The following ROBO2 variants were observed in gnomAD, a reference collection of about 807,000 sequenced individuals.
ROBO2 encodes roundabout guidance receptor 2.
ROBO2 carries 53 observed loss-of-function variants against 160.8 expected under a neutral mutation model. The observed-to-expected ratio is 0.33, with a 90% CI of 0.26 to 0.41. The LOEUF (loss-of-function observed/expected upper bound fraction) is 0.41. Among genes scored for constraint, ROBO2 ranks in the 10% least tolerant of loss-of-function variants. The pLI is 1.00. For synonymous variants in ROBO2, 664 were observed against 611.7 expected (o/e 1.09, Z -1.26); for missense variants, 1,577 against 1,722.4 (o/e 0.92, Z 1.49).
chr3:76,826,053 GT>G (rs200322872), intron 2 of ROBO2, among the ~76,000 whole-genome samples: 13,935 of 142,078 alleles, frequency 0.098, 710 homozygotes, highest in South Asian at 0.13. Flanking sequence ...GAGTTTGTGG[GT>G]TTTTTTTTTT....
chr3:77,235,700 T>C (rs1421311422), intron 2 of ROBO2, among the ~76,000 whole-genome samples: 1 of 152,220 alleles, frequency 6.6e-6, no homozygotes. Flanking sequence ...AAAGCATCCA[T>C]TGGAAAAATT....
chr3:77,482,816 C>T (rs1255788648), intron 4 of ROBO2, among the ~76,000 whole-genome samples: 1 of 151,670 alleles, frequency 6.6e-6, no homozygotes, highest in Non-Finnish European at 1.5e-5. Context: ...TTTAAAGAAA[C>T]ACTCATTGCT....
chr3:76,568,677 A>G (rs1322517912), intron 2 of ROBO2, among the ~76,000 whole-genome samples: 2 of 152,088 alleles, frequency 1.3e-5, no homozygotes, highest in Admixed American at 6.5e-5. Context: ...CATCCCACCT[A>G]TTACAGTCAT....
At chr3:76,472,553 G>A (rs2078722112) in intron 2 of ROBO2, among the ~76,000 whole-genome samples, 1 of 152,060 alleles carries the variant, frequency 6.6e-6, no homozygotes, top group Admixed American at 6.6e-5. Context: ...AGTGCTCTTA[G>A]GTAGCATATG....
intron 2 of ROBO2, among the ~76,000 whole-genome samples, chr3:76,040,022 CTTCTTT>C (rs1203848178): frequency 6.6e-6 from 1 of 151,772 alleles, no homozygotes; most frequent in African/African-American, 2.4e-5. Flanking sequence ...TTTTTAATGA[CTTCTTT>C]TGTCTTCTTT....
intron 2 of ROBO2, among the ~76,000 whole-genome samples, chr3:77,407,289 T>TA (rs901516641): frequency 4.0e-5 from 6 of 151,204 alleles, no homozygotes; most frequent in Non-Finnish European, 5.9e-5. Flanking sequence ...AAATGATTTC[T>TA]AAAAAAAAAT....
chr3:76,314,252 C>A (rs1454225877), intron 2 of ROBO2, among the ~76,000 whole-genome samples: 1 of 152,116 alleles, frequency 6.6e-6, no homozygotes, highest in East Asian at 1.9e-4. Flanking sequence ...CACCAGAAAT[C>A]TTAACTACAT....
At chr3:76,397,648 TC>T (rs2077542263) in intron 2 of ROBO2, among the ~76,000 whole-genome samples, 1 of 151,642 alleles carries the variant, frequency 6.6e-6, no homozygotes, top group Admixed American at 6.6e-5. Flanking sequence ...AACAACCCCA[TC>T]AAAAAGTGGG....
intron 2 of ROBO2, among the ~76,000 whole-genome samples, chr3:77,283,051 A>C (rs2153374322): frequency 6.6e-6 from 1 of 151,940 alleles, no homozygotes; most frequent in Admixed American, 6.6e-5. Context: ...GTTGTTTTTT[A>C]AAACATTATT....
rs73841684 is a variant in ROBO2, at chr3:76,990,120, T to C, written c.110-107894T>C. Reference sequence around the variant, plus strand: ...TCTTCTATTCTTTTAAAAATTAAAATAAAATGAAAAACTAAAATGCAGAAT... The same window carrying C: ...TCTTCTATTCTTTTAAAAATTAAAACAAAATGAAAAACTAAAATGCAGAAT... On this transcript the variant is annotated intron_variant, in intron 2 of 26. Transcript: ENST00000487694. Among the ~76,000 whole-genome samples, 683 of 152,202 alleles carry C rather than the reference T, an allele frequency of 4.5e-3. 3 individuals carry two copies. The highest frequency in any genetic ancestry group is 0.016 in the African/African-American group (650 of 41,542).
chr3:76,571,711 C>T lies in ROBO2; in HGVS notation c.110-526303C>T, dbSNP rs372328092. 2.8e-4 allele frequency among the ~76,000 whole-genome samples: 42 copies of T among 152,104 alleles called. 2 individuals carry two copies. Among genetic ancestry groups the T allele is most frequent in the South Asian group, 2.7e-3 (13 of 4,822 alleles). ...TACTAAGACTGTTTAAGTTAAATTA[C>T]ATTATTAGTTTGTAGAAATAGAAGG... On this transcript the variant is annotated intron_variant, in intron 2 of 26. Transcript: ENST00000487694.
At chr3:76,047,663 G>A (rs1454280256) in intron 2 of ROBO2, among the ~76,000 whole-genome samples, 1 of 152,208 alleles carries the variant, frequency 6.6e-6, no homozygotes, top group Admixed American at 6.5e-5. Flanking sequence ...TTAATAAGAT[G>A]TAGATGTTCC....
intron 25 of ROBO2, among the ~76,000 whole-genome samples, chr3:77,645,318 TG>T (rs1175788073): frequency 6.6e-6 from 1 of 152,200 alleles, no homozygotes; most frequent in Non-Finnish European, 1.5e-5. Flanking sequence ...TTTTTAAATT[TG>T]GGTAGTCACC....
At position 76,563,700 on chromosome 3, in the gene ROBO2, T is replaced by C. The variant is rs373540248; in HGVS notation, c.110-534314T>C. On this transcript the variant is annotated intron_variant, in intron 2 of 26. Transcript: ENST00000487694. ...GTTGACTGTAGATTAACTTAAACAT[T>C]TGAACACAGCTAATGTCCCTAAGAG... Among the ~76,000 whole-genome samples the C allele has an allele frequency of 2.8e-4, 42 of 152,306 alleles. 2 individuals carry two copies. The highest frequency in any genetic ancestry group is 2.7e-3 in the South Asian group (13 of 4,828).
Position 76,673,346 on chromosome 3 carries a change from C to A in ROBO2, c.110-424668C>A, listed in dbSNP as rs113565139. ...TTAAACCACAGAGGGCTGAGCCCCACCCTCAGAGTTTCTGGCCAGGCAGTG... is the reference window on the plus strand; with the variant it reads ...TTAAACCACAGAGGGCTGAGCCCCAACCTCAGAGTTTCTGGCCAGGCAGTG... On this transcript the variant is annotated intron_variant, in intron 2 of 26. Transcript: ENST00000487694. Among the ~76,000 whole-genome samples, 231 of 152,228 alleles carry A rather than the reference C, an allele frequency of 1.5e-3. 3 individuals are homozygous for A. The highest frequency in any genetic ancestry group is 5.1e-3 in the African/African-American group (211 of 41,564).
intron 2 of ROBO2, among the ~76,000 whole-genome samples, chr3:76,415,075 A>G (rs1296292269): frequency 6.6e-6 from 1 of 152,180 alleles, no homozygotes; most frequent in Non-Finnish European, 1.5e-5. Flanking sequence ...AAGCTCTGTA[A>G]ATCATTAGGG....
intron 2 of ROBO2, among the ~76,000 whole-genome samples, chr3:76,953,845 C>T (rs2079094111): frequency 6.6e-6 from 1 of 151,030 alleles, no homozygotes; most frequent in African/African-American, 2.4e-5. Context: ...TGTGTGTGTG[C>T]CCACACAGGT....
chr3:77,188,329 T>C (rs1339565450), intron 2 of ROBO2, among the ~76,000 whole-genome samples: 1 of 118,248 alleles, frequency 8.5e-6, no homozygotes, highest in African/African-American at 3.0e-5. Context: ...ACACTAATAT[T>C]AGTCAAACAG....
At chr3:77,436,781 T>C (rs941839043) in intron 2 of ROBO2, among the ~76,000 whole-genome samples, 2 of 151,954 alleles carry the variant, frequency 1.3e-5, no homozygotes, top group African/African-American at 4.8e-5. Context: ...ATGCTATTTA[T>C]GTTTTTAAAA....
Sources: gnomAD v4.1 joint callset for allele counts (sites outside exome capture counted in the v4.1 genomes callset) on GRCh38, gnomAD v4.1.1 for gene constraint, MANE v1.5 for transcripts, NCBI Gene and HGNC (gene_info 2026-07-23, HGNC 2026-07-21) for gene names.